Variants in SPAG16 observed in about 807,000 individuals in gnomAD.
The protein encoded by SPAG16 is sperm-associated antigen 16 protein.
In SPAG16, 86 loss-of-function variants were observed where a neutral mutation model predicts 80.4. That is an observed-to-expected ratio of 1.07 (90% CI 0.90 to 1.28). The LOEUF (loss-of-function observed/expected upper bound fraction) is 1.28, where lower values mean the gene tolerates loss of function less well. SPAG16 is among the 50% of genes most tolerant of loss of function. The pLI is 0.00. For synonymous variants in SPAG16, 294 were observed against 265.9 expected, an observed-to-expected ratio of 1.11 and a Z score of -1.03; for missense variants, 870 against 765.3, an observed-to-expected ratio of 1.14 and a Z score of -1.61.
At chr2:214,164,953 T>G (rs1006376132) in intron 15 of SPAG16, among the ~76,000 whole-genome samples, 1 of 152,136 alleles carries the variant, frequency 6.6e-6, no homozygotes, top group African/African-American at 2.4e-5. Context: ...TATTCTTGTA[T>G]AAGGGCTATT....
intron 11 of SPAG16, among the ~76,000 whole-genome samples, chr2:213,877,695 A>G (rs1213631965): frequency 2.0e-5 from 3 of 152,108 alleles, no homozygotes; most frequent in Non-Finnish European, 4.4e-5. Flanking sequence ...CATAATATCC[A>G]CTTATGTATT....
At chr2:213,874,965 G>C (rs2076088537) in intron 11 of SPAG16, among the ~76,000 whole-genome samples, 1 of 151,986 alleles carries the variant, frequency 6.6e-6, no homozygotes, top group East Asian at 1.9e-4. Context: ...TTTTAAGAAA[G>C]AGAATCTTGC....
At chr2:214,286,884 C>T (rs1693406403) in intron 15 of SPAG16, among the ~76,000 whole-genome samples, 1 of 152,186 alleles carries the variant, frequency 6.6e-6, no homozygotes, top group Non-Finnish European at 1.5e-5. Context: ...AATGATGGAT[C>T]ACTTCCATGA....
chr2:213,880,855 C>A (rs543260207), intron 11 of SPAG16, among the ~76,000 whole-genome samples: 26 of 152,082 alleles, frequency 1.7e-4, no homozygotes, highest in Admixed American at 3.3e-4. Flanking sequence ...GTAGCAGTGC[C>A]ATGCCATTTG....
At chr2:213,559,104 T>C (rs1406078936) in intron 10 of SPAG16, among the ~76,000 whole-genome samples, 1 of 152,092 alleles carries the variant, frequency 6.6e-6, no homozygotes, top group East Asian at 1.9e-4. Flanking sequence ...CTGAAGGAAA[T>C]ATTTAAGATA....
At chr2:213,882,549 T>TTGGG in intron 11 of SPAG16, among the ~76,000 whole-genome samples, 1 of 152,334 alleles carries the variant, frequency 6.6e-6, no homozygotes, top group Admixed American at 6.5e-5. Flanking sequence ...TATTTGGTTC[T>TTGGG]AGTAAGATAT....
intron 10 of SPAG16, among the ~76,000 whole-genome samples, chr2:213,636,158 TTCTACA>T (rs1279400038): frequency 2.6e-5 from 4 of 152,244 alleles, no homozygotes; most frequent in Admixed American, 1.3e-4. Context: ...AGTTTTATTC[TTCTACA>T]TGTGGCTTGC....
chr2:213,700,272 C>T (rs1259448888), intron 10 of SPAG16, among the ~76,000 whole-genome samples: 4 of 151,454 alleles, frequency 2.6e-5, no homozygotes, highest in Non-Finnish European at 5.9e-5. Flanking sequence ...GAAACCATTT[C>T]CATAGAAATA....
intron 12 of SPAG16, among the ~76,000 whole-genome samples, chr2:213,958,569 G>T (rs561229225): frequency 3.3e-5 from 5 of 152,238 alleles, no homozygotes; most frequent in Admixed American, 1.3e-4. Flanking sequence ...TTACAGGTCA[G>T]TTCCCACTGA....
chr2:213,961,585 G>GT (rs34367751), intron 12 of SPAG16, among the ~76,000 whole-genome samples: 10,231 of 137,174 alleles, frequency 0.075, 459 homozygotes, highest in African/African-American at 0.12. Flanking sequence ...TCTAACCCTA[G>GT]TTTTTTTTTT....
chr2:214,141,692 C>G (rs1307106902), intron 14 of SPAG16, among the ~76,000 whole-genome samples: 2 of 151,888 alleles, frequency 1.3e-5, no homozygotes, highest in Non-Finnish European at 1.5e-5. Context: ...GGTTTTTTCC[C>G]CCGGTACAAT....
chr2:213,728,913 A>AAAAAAAAAG, intron 10 of SPAG16, among the ~76,000 whole-genome samples: 1 of 120,236 alleles, frequency 8.3e-6, no homozygotes, highest in Admixed American at 9.0e-5. Flanking sequence ...AAAAAAAAAA[A>AAAAAAAAAG]AAAAAAAAGA....
At chr2:213,319,470 A>C (rs1292113237) in intron 5 of SPAG16, among the ~76,000 whole-genome samples, 1 of 151,962 alleles carries the variant, frequency 6.6e-6, no homozygotes, top group East Asian at 1.9e-4. Context: ...GAAGTGTATG[A>C]TGATTCAGAA....
At position 214,084,549 on chromosome 2, in the gene SPAG16, CT is replaced by C. The variant is rs529156554; in HGVS notation, c.1528-23644del. On this transcript the variant is annotated intron_variant, in intron 13 of 15. Coordinates refer to ENST00000331683, the MANE Select transcript of SPAG16 (RefSeq NM_024532.5). The stretch of plus-strand genomic sequence containing the variant: ...TTCTCACATTCAGTCTCTCTCCTTT[CT>C]TTCCTTTATCCAACCCACCAGTGTT... 1.7e-4 allele frequency among the ~76,000 whole-genome samples: 26 copies of C among 152,310 alleles called. No homozygotes were observed. The East Asian group carries it at 5.0e-3, about 29-fold the overall frequency.
chr2:213,715,266 A>ATCTATCTATCTATCCG (rs3076744), intron 10 of SPAG16, among the ~76,000 whole-genome samples: 2 of 150,940 alleles, frequency 1.3e-5, no homozygotes, highest in Admixed American at 6.6e-5. Flanking sequence ...CTATCTATCT[A>ATCTATCTATCTATCCG]TCCATTCATC....
intron 15 of SPAG16, among the ~76,000 whole-genome samples, chr2:214,361,738 T>C (rs1263601536): frequency 6.6e-6 from 1 of 151,866 alleles, no homozygotes; most frequent in South Asian, 2.1e-4. Context: ...GCTCCTGTCC[T>C]TTTATGTCTT....
At chr2:213,530,576 C>T (rs890544052) in intron 10 of SPAG16, among the ~76,000 whole-genome samples, 1 of 152,194 alleles carries the variant, frequency 6.6e-6, no homozygotes, top group Admixed American at 6.5e-5. Context: ...CCTTCCCAGA[C>T]AGAAGTTACT....
intron 10 of SPAG16, among the ~76,000 whole-genome samples, chr2:213,757,329 GT>G (rs549923590): frequency 3.0e-4 from 45 of 147,834 alleles, no homozygotes; most frequent in African/African-American, 8.6e-4. Flanking sequence ...ACCCATAGCT[GT>G]TTTTTTTTTC....
chr2:213,896,592 G>GCGCACA lies in SPAG16; in HGVS notation c.1215-33367_1215-33366insGCACAC, dbSNP rs57025359. Among the ~76,000 whole-genome samples, 271 of 111,902 alleles carry GCGCACA rather than the reference G, an allele frequency of 2.4e-3. 3 individuals carry two copies. Among genetic ancestry groups the GCGCACA allele is most frequent in the East Asian group, 0.011 (39 of 3,620 alleles). 73.4% of individuals were successfully genotyped at this position (111,902 alleles called of 152,430 possible). On this transcript the variant is annotated intron_variant, in intron 11 of 15. Coordinates refer to ENST00000331683, the MANE Select transcript of SPAG16 (RefSeq NM_024532.5). ...AAATGTGATATATACACACACACAC[G>GCGCACA]CACACACACACACACACACACACAT... is the stretch of plus-strand genomic sequence containing the variant.
Sources: gnomAD v4.1 joint callset for allele counts (sites outside exome capture counted in the v4.1 genomes callset) on GRCh38, gnomAD v4.1.1 for gene constraint, MANE v1.5 for transcripts, NCBI Gene and HGNC (gene_info 2026-07-23, HGNC 2026-07-21) for gene names.